The following MSI2 variants were observed in gnomAD, a reference collection of about 807,000 sequenced individuals.
The protein encoded by MSI2 is musashi RNA binding protein 2.
Under a neutral mutation model 45.6 loss-of-function variants are expected in MSI2, and 17 were observed. The ratio of observed to expected loss-of-function variants is 0.37; its 90% CI spans 0.26 to 0.56. MSI2 has a LOEUF of 0.56. MSI2 is among the 20% of genes least tolerant of loss of function. MSI2 has a pLI of 0.77. For synonymous variants in MSI2, 156 were observed against 158.2 expected (o/e 0.99, Z 0.11); for missense variants, 293 against 444.2 (o/e 0.66, Z 3.06).
chr17:57,426,209 A>G (rs2084489023), intron 6 of MSI2, among the ~76,000 whole-genome samples: 1 of 152,192 alleles, frequency 6.6e-6, no homozygotes, highest in Non-Finnish European at 1.5e-5. Context: ...GTGATTTTTA[A>G]TGGGTTTTTG....
chr17:57,489,310 G>A (rs1289619854), intron 6 of MSI2, among the ~76,000 whole-genome samples: 1 of 152,226 alleles, frequency 6.6e-6, no homozygotes. Flanking sequence ...TGCCCCTAAA[G>A]AGGCATGTAG....
intron 9 of MSI2, among the ~76,000 whole-genome samples, chr17:57,617,342 TAAATGAGA>T (rs1227689934): frequency 6.6e-6 from 1 of 152,082 alleles, no homozygotes; most frequent in Admixed American, 6.5e-5. Flanking sequence ...CAAGTGAGAA[TAAATGAGA>T]AAATGTTTTT....
intron 11 of MSI2, among the ~76,000 whole-genome samples, chr17:57,655,650 G>T (rs936479461): frequency 3.3e-5 from 5 of 152,112 alleles, no homozygotes; most frequent in Admixed American, 2.0e-4. Context: ...TGGGGCTGCG[G>T]TGAGAGTGTC....
At chr17:57,308,257 C>T (rs891150627) in intron 5 of MSI2, among the ~76,000 whole-genome samples, 1 of 152,086 alleles carries the variant, frequency 6.6e-6, no homozygotes, top group Non-Finnish European at 1.5e-5. Context: ...CTCCTGATAC[C>T]ACCACCGCCA....
rs2086364760 is a variant in MSI2, at chr17:57,511,942, C to T, written c.406-17734C>T. On this transcript the variant is annotated intron_variant, in intron 6 of 13. Coordinates refer to ENST00000284073, the MANE Select transcript of MSI2 (RefSeq NM_138962.4). ...GCTTACATTCCACTCCAGACACACA[C>T]ACCTGCTGCTCCATTACCAGGTCCC... Among the ~76,000 whole-genome samples, 5 of 152,348 alleles carry T rather than the reference C, an allele frequency of 3.3e-5. No homozygotes were observed. In the South Asian group the frequency reaches 1.0e-3, roughly 32 times the overall value.
rs1448609925 is a variant in MSI2, at chr17:57,507,843, G to A, written c.406-21833G>A. Among the ~76,000 whole-genome samples the A allele has an allele frequency of 2.6e-5, 4 of 152,178 alleles. No homozygotes were observed. In the East Asian group the frequency reaches 7.7e-4, roughly 29 times the overall value. ...CTTTTAAATTTGTAGGACGGGTCTTGTTGTATTGCCCAGACTGGTGTCGAT... is the reference window on the plus strand; with the variant it reads ...CTTTTAAATTTGTAGGACGGGTCTTATTGTATTGCCCAGACTGGTGTCGAT... On this transcript the variant is annotated intron_variant, in intron 6 of 13. Coordinates refer to ENST00000284073, the MANE Select transcript of MSI2 (RefSeq NM_138962.4).
chr17:57,574,691 T>G (rs1459394016), intron 7 of MSI2, among the ~76,000 whole-genome samples: 2 of 152,132 alleles, frequency 1.3e-5, no homozygotes, highest in Non-Finnish European at 1.5e-5. Context: ...TCTCTCTGAG[T>G]GTGGGTTCTG....
chr17:57,466,916 T>C (rs2085340799), intron 6 of MSI2, among the ~76,000 whole-genome samples: 1 of 152,236 alleles, frequency 6.6e-6, no homozygotes. Flanking sequence ...TGCCCCCTGC[T>C]CTTTAGTTTA....
intron 5 of MSI2, among the ~76,000 whole-genome samples, chr17:57,339,633 G>A (rs1157471493): frequency 6.6e-6 from 1 of 152,136 alleles, no homozygotes; most frequent in Non-Finnish European, 1.5e-5. Context: ...CATGATGACA[G>A]TATATCCATT....
Position 57,682,736 on chromosome 17 carries a change from T to C in MSI2, c.*3219T>C. On this transcript the variant is annotated 3_prime_UTR_variant, in exon 14 of 14. Coordinates refer to ENST00000284073, the MANE Select transcript of MSI2 (RefSeq NM_138962.4). ...CGAACATGGGAACCACCTTTCGCCT[T>C]CCCTGGGGGAGAAACCCTCTTGGCT... is the stretch of plus-strand genomic sequence containing the variant. 1 of 220,924 alleles carries C rather than the reference T, an allele frequency of 4.5e-6. No individual in the cohort carries two copies. Among genetic ancestry groups the C allele is most frequent in the Non-Finnish European group, 9.1e-6 (1 of 110,362 alleles). 13.7% of individuals were successfully genotyped at this position (220,924 alleles called of 1,614,324 possible).
At chr17:57,304,001 G>C (rs1416659048) in intron 5 of MSI2, among the ~76,000 whole-genome samples, 1 of 152,152 alleles carries the variant, frequency 6.6e-6, no homozygotes, top group Non-Finnish European at 1.5e-5. Flanking sequence ...TGGAGGGAAG[G>C]AGCAGGGAGG....
intron 6 of MSI2, among the ~76,000 whole-genome samples, chr17:57,433,450 A>C (rs1029490951): frequency 2.0e-5 from 3 of 152,162 alleles, no homozygotes; most frequent in Non-Finnish European, 4.4e-5. Context: ...TGGGACACCA[A>C]GGATTGCTAG....
At chr17:57,464,021 A>ATGTGTG (rs71139998) in intron 6 of MSI2, among the ~76,000 whole-genome samples, 1 of 51,002 alleles carries the variant, frequency 2.0e-5, no homozygotes, top group East Asian at 4.3e-4. Flanking sequence ...GTGTGTGTGT[A>ATGTGTG]TGTGTGTGTG....
intron 9 of MSI2, among the ~76,000 whole-genome samples, chr17:57,618,635 C>G (rs1017850845): frequency 6.6e-6 from 1 of 152,196 alleles, no homozygotes; most frequent in African/African-American, 2.4e-5. Context: ...CCTCCGCCTC[C>G]TGGGTTCAAG....
At position 57,407,236 on chromosome 17, in the gene MSI2, G is replaced by A. The variant is rs1467294099; in HGVS notation, c.405+5765G>A. Among the ~76,000 whole-genome samples, 1 of 152,164 alleles carries A rather than the reference G, an allele frequency of 6.6e-6. No individual in the cohort carries two copies. The highest frequency in any genetic ancestry group is 1.9e-4 in the East Asian group (1 of 5,192). The stretch of plus-strand genomic sequence containing the variant: ...GCGTGGGCGATTGTGGGTGAGTGAG[G>A]CCCGAGGAAGCGCTGGGTGCCTGCG... On this transcript the variant is annotated intron_variant, in intron 6 of 13. Transcript: ENST00000284073. This position sits in a 1 kb window ranked among gnomAD's most constrained non-coding sequence, Gnocchi z 4.1.
chr17:57,282,109 T>C (rs1909473258), intron 5 of MSI2, among the ~76,000 whole-genome samples: 1 of 152,202 alleles, frequency 6.6e-6, no homozygotes, highest in Admixed American at 6.5e-5. Flanking sequence ...TATGTTGGTG[T>C]ACCCTTGCTT....
At chr17:57,591,135 C>G (rs963639857) in intron 7 of MSI2, among the ~76,000 whole-genome samples, 3 of 152,096 alleles carry the variant, frequency 2.0e-5, no homozygotes, top group Non-Finnish European at 4.4e-5. Context: ...TTATCTGGCC[C>G]CTTGCTGAGT....
At chr17:57,571,995 G>A (rs2087890659) in intron 7 of MSI2, among the ~76,000 whole-genome samples, 1 of 152,162 alleles carries the variant, frequency 6.6e-6, no homozygotes, top group Non-Finnish European at 1.5e-5. Context: ...TTTATCATTA[G>A]GCCAACTAAT....
At chr17:57,457,544 C>G (rs2085139004) in intron 6 of MSI2, among the ~76,000 whole-genome samples, 1 of 151,980 alleles carries the variant, frequency 6.6e-6, no homozygotes, top group African/African-American at 2.4e-5. Context: ...TATTTTTCTC[C>G]TAGAAGACCC....
Sources: gnomAD v4.1 joint callset for allele counts (sites outside exome capture counted in the v4.1 genomes callset) on GRCh38, gnomAD v4.1.1 for gene constraint, Gnocchi (gnomAD v3.1) non-coding constraint, MANE v1.5 for transcripts, NCBI Gene and HGNC (gene_info 2026-07-23, HGNC 2026-07-21) for gene names.